Variants in SPTBN4 observed in about 807,000 individuals in gnomAD.
SPTBN4 encodes spectrin beta, non-erythrocytic 4.
Under a neutral mutation model 277.8 loss-of-function variants are expected in SPTBN4, and 96 were observed. That is an observed-to-expected ratio of 0.35 (90% confidence interval 0.29 to 0.41). SPTBN4 has a LOEUF of 0.41. Ranked by LOEUF, SPTBN4 falls within the 10% of genes least tolerant of loss-of-function variation. SPTBN4 has a pLI of 1.00. For missense variants in SPTBN4, 3,006 were observed against 3,595.7 expected (o/e 0.84, Z 4.19); for synonymous variants, 1,481 against 1,580.3 (o/e 0.94, Z 1.49).
chr19:40,476,820 C>T (rs1035471220), intron 2 of SPTBN4, among the ~76,000 whole-genome samples: 5 of 152,092 alleles, frequency 3.3e-5, no homozygotes, highest in South Asian at 2.1e-4. Context: ...ATCTCCTGAC[C>T]GCGTGATCTG....
At chr19:40,542,622 A>G (rs1472538044) in intron 20 of SPTBN4, among the ~76,000 whole-genome samples, 1 of 150,766 alleles carries the variant, frequency 6.6e-6, no homozygotes, top group East Asian at 2.0e-4. Flanking sequence ...CCCTAAGCAA[A>G]GCTCTTTCTC....
At chr19:40,495,331 C>A (rs181425588) in intron 6 of SPTBN4, among the ~76,000 whole-genome samples, 65 of 152,236 alleles carry the variant, frequency 4.3e-4, no homozygotes, top group African/African-American at 1.6e-3. Context: ...GTGTACCCAG[C>A]ACCTCCTCCT....
At position 40,570,603 on chromosome 19, in the gene SPTBN4, G is replaced by C; in HGVS notation, c.7194G>C (p.Ser2398=). ...GTGAGGGCGGGGGAAGCCGGCGCTC[G>C]CGCTCCGCCCCGGCCCAGGGCGGCT... The part of the protein sequence containing the change: ...EGGEGGGSRR[S]RSAPAQGGSA... Residue 2398 remains serine, a synonymous_variant, in exon 33 of 36, where the codon TCG becomes TCC. Transcript: ENST00000598249. 1 of 1,385,698 alleles carries C rather than the reference G, an allele frequency of 7.2e-7. No individual in the cohort carries two copies. The allele number at this position is 1,385,698 out of a possible 1,614,324, so 85.8% of individuals were successfully genotyped here. A position where few individuals can be genotyped will look rare whatever the true frequency, so the allele number is the denominator to read the frequency against.
intron 2 of SPTBN4, among the ~76,000 whole-genome samples, chr19:40,475,248 C>T (rs933083419): frequency 1.3e-5 from 2 of 152,050 alleles, no homozygotes; most frequent in Non-Finnish European, 2.9e-5. Flanking sequence ...AATCATAAGC[C>T]TTTAAAACAT....
chr19:40,565,583 C>G, intron 28 of SPTBN4, 22 bp downstream of exon 28: 1 of 1,609,146 alleles, frequency 6.2e-7, no homozygotes, highest in Non-Finnish European at 8.5e-7. Context: ...GGAGGGGGTC[C>G]CCCTCTGCCA....
chr19:40,467,169 G>A lies in SPTBN4; in HGVS notation c.-152G>A, dbSNP rs972259557. 6.7e-6 allele frequency: 1 copy of A among 149,142 alleles called. No individual in the cohort carries two copies. The highest frequency in any genetic ancestry group is 1.5e-5 in the Non-Finnish European group (1 of 66,578). The allele number at this position is 149,142 out of a possible 1,614,324, so 9.2% of individuals were successfully genotyped here. On this transcript the variant is annotated 5_prime_UTR_variant, in exon 1 of 36. The change creates a premature stop within an existing upstream ORF in the 5' untranslated region. Transcript: ENST00000598249. ...AGGCGCGGCGGCGCATGCGGATCTG[G>A]CTGAGCCGCGGGCCGGCGGGGCCGA...
chr19:40,548,654 G>A lies in SPTBN4; in HGVS notation c.4360-535G>A, dbSNP rs144248428. ...CACTTGAAGCCAGGAGGTGAAGGTT[G>A]CAGTGAGCCAAGATTACGCCATTGC... On this transcript the variant is annotated intron_variant, in intron 20 of 35. Transcript: ENST00000598249. Among the ~76,000 whole-genome samples the A allele has an allele frequency of 3.4e-3, 514 of 151,792 alleles. 14 individuals carry two copies. In the East Asian group the frequency reaches 0.064, roughly 19 times the overall value.
rs763479644 is a variant in SPTBN4 at position 40,557,003 on chromosome 19, C to G, written c.5290-20C>G. The stretch of plus-strand genomic sequence containing the variant: ...CTTTGCTCACTTTGCTGTACCCCCC[C>G]CCCCACTTCCTGATGGCAGGTGCTG... On this transcript the variant is annotated intron_variant, in intron 25 of 35. Coordinates refer to ENST00000598249, the MANE Select transcript of SPTBN4 (RefSeq NM_020971.3). The G allele has an allele frequency of 7.9e-6, 12 of 1,526,304 alleles. No individual in the cohort carries two copies. In the African/African-American group the frequency reaches 9.6e-5, roughly 12 times the overall value. 94.5% of individuals were successfully genotyped at this position (1,526,304 alleles called of 1,614,324 possible).
Position 40,572,190 on chromosome 19 carries a change from C to A in SPTBN4, c.7491C>A (p.Leu2497=). ...AGAAAAAGAAGCATGTCTTCAAGCT[C>A]CAGTGAGCCCCCCAATGGGCAGGAG... ...DYKKKKHVFK[L]QTQDGSEFLL... The change falls in exon 34 of 36, where the codon CTC becomes CTA. Residue 2497 remains leucine (L), a splice_region_variant and synonymous_variant. Transcript: ENST00000598249. The A allele has an allele frequency of 1.3e-6, 2 of 1,595,740 alleles. No homozygotes were observed. The highest frequency in any genetic ancestry group is 1.7e-6 in the Non-Finnish European group (2 of 1,168,678).
chr19:40,560,783 G>A lies in SPTBN4; in HGVS notation c.5915+380G>A. On this transcript the variant is annotated intron_variant, in intron 27 of 35. Coordinates refer to ENST00000598249, the MANE Select transcript of SPTBN4 (RefSeq NM_020971.3). This position sits in a 1 kb window ranked among gnomAD's most constrained non-coding sequence, Gnocchi z 5.2. Reference sequence around the variant, plus strand: ...TCAGTGGCTTCATTAGTGGGCATGGGCTTATTGCTCACATAGTGGTTGGAT... The same window carrying A: ...TCAGTGGCTTCATTAGTGGGCATGGACTTATTGCTCACATAGTGGTTGGAT... 8.2e-7 allele frequency: 1 copy of A among 1,214,808 alleles called. No homozygotes were observed. Among genetic ancestry groups the A allele is most frequent in the Non-Finnish European group, 1.0e-6 (1 of 962,322 alleles). 75.3% of individuals were successfully genotyped at this position (1,214,808 alleles called of 1,614,324 possible). A position where few individuals can be genotyped will look rare whatever the true frequency, so the allele number is the denominator to read the frequency against.
intron 6 of SPTBN4, among the ~76,000 whole-genome samples, chr19:40,495,295 C>T (rs940694533): frequency 2.0e-5 from 3 of 152,070 alleles, no homozygotes; most frequent in African/African-American, 7.2e-5. Flanking sequence ...GTAGGAAGCT[C>T]GCTCCCCTGT....
intron 14 of SPTBN4, among the ~76,000 whole-genome samples, chr19:40,514,483 GGAGA>G (rs1258160608): frequency 6.6e-6 from 1 of 152,200 alleles, no homozygotes; most frequent in Non-Finnish European, 1.5e-5. Flanking sequence ...AACAGGCCAT[GGAGA>G]CTGATGGGCT....
intron 31 of SPTBN4, among the ~76,000 whole-genome samples, chr19:40,568,982 T>G (rs577415622): frequency 2.0e-5 from 3 of 152,222 alleles, no homozygotes; most frequent in Admixed American, 2.0e-4. Context: ...TCCCTGACTT[T>G]AGAGACTCAC....
In SPTBN4 at chr19:40,490,713, A is replaced by G. The variant is rs954052441; in HGVS notation, c.495+465A>G. On this transcript the variant is annotated intron_variant, in intron 4 of 35. Coordinates refer to ENST00000598249, the MANE Select transcript of SPTBN4 (RefSeq NM_020971.3). This position sits in a 1 kb window ranked among gnomAD's most constrained non-coding sequence, Gnocchi z 4.3. ...CAGATAATAAATACATAAATATGTA[A>G]AGAAGACATGTATGGAAAAAGGACC... 2.0e-5 allele frequency among the ~76,000 whole-genome samples: 3 copies of G among 152,174 alleles called. No homozygotes were observed. The highest frequency in any genetic ancestry group is 4.4e-5 in the Non-Finnish European group (3 of 68,034).
intron 2 of SPTBN4, among the ~76,000 whole-genome samples, chr19:40,484,093 G>A (rs2080042719): frequency 6.6e-6 from 1 of 151,860 alleles, no homozygotes; most frequent in African/African-American, 2.4e-5. Context: ...AAAAAAAAGA[G>A]AGAAAAACAA....
intron 2 of SPTBN4, 64 bp downstream of exon 2, chr19:40,472,854 C>A (rs145324108): frequency 1.4e-6 from 2 of 1,445,532 alleles, no homozygotes; most frequent in Non-Finnish European, 1.9e-6. Flanking sequence ...GCCCGAGAAC[C>A]TTGGTGGCTG....
Position 40,567,706 on chromosome 19 carries a change from C to A in SPTBN4, c.6380C>A (p.Pro2127Gln). The A allele has an allele frequency of 6.4e-7, 1 of 1,554,674 alleles. No individual in the cohort carries two copies. The highest frequency in any genetic ancestry group is 2.5e-5 in the East Asian group (1 of 39,242). ...KAEQSKQPPT[P>Q]LLGRKFFGDP... ...GAACAGAGCAAGCAGCCGCCTACCC[C>A]ACTGCTGGGGCGCAAGTTCTTTGGG... is the stretch of plus-strand genomic sequence containing the variant. The change falls in exon 31 of 36, where the codon CCA becomes CAA. Residue 2127 changes from proline to glutamine, a missense_variant. Coordinates refer to ENST00000598249, the MANE Select transcript of SPTBN4 (RefSeq NM_020971.3).
At chr19:40,561,247 A>G (rs2081039524) in intron 27 of SPTBN4, among the ~76,000 whole-genome samples, 1 of 150,262 alleles carries the variant, frequency 6.7e-6, no homozygotes, top group Non-Finnish European at 1.5e-5. Flanking sequence ...TCCTGGCCTC[A>G]AGTGGTCCAC....
intron 17 of SPTBN4, among the ~76,000 whole-genome samples, chr19:40,528,372 G>T (rs954753734): frequency 6.6e-6 from 1 of 152,154 alleles, no homozygotes; most frequent in Non-Finnish European, 1.5e-5. Context: ...GCCTCGCTCT[G>T]CCTGCAGGAG....
Sources: gnomAD v4.1 joint callset for allele counts (sites outside exome capture counted in the v4.1 genomes callset) on GRCh38, gnomAD v4.1.1 for gene constraint, Gnocchi (gnomAD v3.1) non-coding constraint, MANE v1.5 for transcripts, NCBI Gene and HGNC (gene_info 2026-07-23, HGNC 2026-07-21) for gene names.